The following EIF2AK4 variants were observed in gnomAD, a reference collection of about 807,000 sequenced individuals.
The protein encoded by EIF2AK4 is eIF-2-alpha kinase GCN2.
A neutral mutation model predicts 211.1 loss-of-function variants in EIF2AK4; 139 were observed. The ratio of observed to expected loss-of-function variants is 0.66; its 90% CI spans 0.57 to 0.76. EIF2AK4 has a LOEUF of 0.76. Ranked by LOEUF, EIF2AK4 falls within the 30% of genes least tolerant of loss-of-function variation. EIF2AK4 has a pLI of 0.00. For synonymous variants in EIF2AK4, 710 were observed against 751.3 expected (o/e 0.94, Z 0.90); for missense variants, 1,664 against 2,043.8 (o/e 0.81, Z 3.58).
At chr15:40,029,539 T>G in intron 34 of EIF2AK4, 75 bp downstream of exon 34, 1 of 1,416,036 alleles carries the variant, frequency 7.1e-7, no homozygotes, top group Non-Finnish European at 9.7e-7. Context: ...TGTAGCTAAC[T>G]GCTTGTGACA....
chr15:40,030,327 G>C, intron 34 of EIF2AK4, 32 bp from the exon 35 acceptor site: 5 of 1,603,754 alleles, frequency 3.1e-6, no homozygotes, highest in Middle Eastern at 1.7e-4. Flanking sequence ...GACCAGATAA[G>C]GCCATAAATT....
At chr15:39,944,666 C>T (rs2034201514) in intron 3 of EIF2AK4, among the ~76,000 whole-genome samples, 1 of 152,132 alleles carries the variant, frequency 6.6e-6, no homozygotes, top group Non-Finnish European at 1.5e-5. Flanking sequence ...ATCTCCTGAC[C>T]TCGTGGTCCA....
At position 40,029,469 on chromosome 15, in the gene EIF2AK4, A is replaced by C; in HGVS notation, c.4561+5A>C. 1 of 1,612,432 alleles carries C rather than the reference A, an allele frequency of 6.2e-7. No individual in the cohort carries two copies. The highest frequency in any genetic ancestry group is 1.1e-5 in the South Asian group (1 of 90,920). On this transcript the variant is annotated splice_donor_5th_base_variant and intron_variant, in intron 34 of 38. Coordinates refer to ENST00000263791, the MANE Select transcript of EIF2AK4 (RefSeq NM_001013703.4). ...GGTCATTTTCTAATGCTTCAGGTATAATTACTAATTATAATCTGAACATAA... is the reference window on the plus strand; with the variant it reads ...GGTCATTTTCTAATGCTTCAGGTATCATTACTAATTATAATCTGAACATAA...
In EIF2AK4 at chr15:40,002,794, T is replaced by C. The variant is rs756860849; in HGVS notation, c.3235+6T>C. On this transcript the variant is annotated splice_donor_region_variant and intron_variant, in intron 22 of 38. Coordinates refer to ENST00000263791, the MANE Select transcript of EIF2AK4 (RefSeq NM_001013703.4). ...CCGCATCTTTAAAAGACATGGTATG[T>C]ACGCCCTTTTTAAAAATGATATTTC... is the stretch of plus-strand genomic sequence containing the variant. 1.2e-6 allele frequency: 2 copies of C among 1,613,892 alleles called. No individual in the cohort carries two copies. The highest frequency in any genetic ancestry group is 2.7e-5 in the African/African-American group (2 of 74,940).
At chr15:40,015,653 T>G (rs557048906) in intron 27 of EIF2AK4, among the ~76,000 whole-genome samples, 2 of 152,306 alleles carry the variant, frequency 1.3e-5, no homozygotes, top group South Asian at 2.1e-4. Context: ...TAACATTTTT[T>G]GGGTTTTTTA....
intron 37 of EIF2AK4, among the ~76,000 whole-genome samples, chr15:40,033,554 CAG>C (rs576664709): frequency 6.6e-6 from 1 of 152,072 alleles, no homozygotes; most frequent in Non-Finnish European, 1.5e-5. Flanking sequence ...TTTGTCTATC[CAG>C]AGTGTTTAGT....
At chr15:39,987,146 C>G (rs981362785) in intron 14 of EIF2AK4, among the ~76,000 whole-genome samples, 3 of 152,190 alleles carry the variant, frequency 2.0e-5, no homozygotes, top group Admixed American at 2.0e-4. Flanking sequence ...TCCCCCAAAC[C>G]ACTGTTTATC....
rs745642616 is a variant in EIF2AK4, at chr15:40,034,361, G to C, written c.4809G>C (p.Val1603=). The C allele has an allele frequency of 6.2e-7, 1 of 1,614,060 alleles. No homozygotes were observed. Among genetic ancestry groups the C allele is most frequent in the Admixed American group, 1.7e-5 (1 of 60,010 alleles). The change falls in exon 38 of 39, where the codon GTG becomes GTC. Residue 1603 remains valine (V), a synonymous_variant. Coordinates refer to ENST00000263791, the MANE Select transcript of EIF2AK4 (RefSeq NM_001013703.4). ...DADEQAFNTT[V]KQLLSRLPKQ... The stretch of plus-strand genomic sequence containing the variant: ...ATGAACAGGCATTTAACACAACTGT[G>C]AAGCAGCTGCTGTCACGCCTGCCAA...
At chr15:40,021,561 G>C (rs1207820313) in intron 31 of EIF2AK4, 1 of 152,440 alleles carries the variant, frequency 6.6e-6, no homozygotes, top group Non-Finnish European at 1.5e-5. Context: ...TTGCGGGGCT[G>C]TACTCCAGCC....
intron 9 of EIF2AK4, among the ~76,000 whole-genome samples, chr15:39,969,275 A>G (rs2140913962): frequency 6.6e-6 from 1 of 151,608 alleles, no homozygotes; most frequent in East Asian, 1.9e-4. Flanking sequence ...TGGGCTCGGT[A>G]GGTAAAACTT....
intron 15 of EIF2AK4, among the ~76,000 whole-genome samples, chr15:39,989,454 G>A (rs1325124882): frequency 6.6e-6 from 1 of 152,178 alleles, no homozygotes; most frequent in Admixed American, 6.5e-5. Flanking sequence ...TCTAATGAGG[G>A]CCATTTAAGC....
chr15:39,997,426 A>G (rs2035032186), intron 19 of EIF2AK4, among the ~76,000 whole-genome samples: 1 of 152,174 alleles, frequency 6.6e-6, no homozygotes, highest in Admixed American at 6.5e-5. Context: ...TTGTTTTTGG[A>G]AATCTTACCT....
intron 12 of EIF2AK4, chr15:39,977,120 G>C (rs897376837): frequency 2.7e-5 from 9 of 335,836 alleles, no homozygotes; most frequent in Non-Finnish European, 4.2e-5. Context: ...ATCCAGACGT[G>C]TTGACCATGT....
At chr15:40,024,116 C>T (rs1221164856) in intron 32 of EIF2AK4, among the ~76,000 whole-genome samples, 1 of 152,148 alleles carries the variant, frequency 6.6e-6, no homozygotes, top group Non-Finnish European at 1.5e-5. Context: ...TTGTCTTCAT[C>T]ATTATAAAAT....
At chr15:39,996,925 T>G in intron 18 of EIF2AK4, 39 bp from the exon 19 acceptor site, 1 of 1,394,534 alleles carries the variant, frequency 7.2e-7, no homozygotes, top group Non-Finnish European at 1.0e-6. Flanking sequence ...TATACTTTCA[T>G]ATCAAGGCTC....
At position 39,943,489 on chromosome 15, in the gene EIF2AK4, A is replaced by G. The variant is rs370266765; in HGVS notation, c.360+4A>G. 46 of 1,571,640 alleles carry G rather than the reference A, an allele frequency of 2.9e-5. No homozygotes were observed. In the African/African-American group the frequency reaches 6.4e-4, roughly 22 times the overall value. On this transcript the variant is annotated splice_donor_region_variant and intron_variant, in intron 3 of 38. Transcript: ENST00000263791. The stretch of plus-strand genomic sequence containing the variant: ...GGCCAAGAAACACTGTGGGGAGGTA[A>G]GATTTGTTAAACTGGAATTAAAAGA...
At chr15:39,965,538 A>G in intron 7 of EIF2AK4, 148 bp from the exon 8 acceptor site, 1 of 889,956 alleles carries the variant, frequency 1.1e-6, no homozygotes, top group Non-Finnish European at 1.7e-6. Context: ...TTGTTTACAA[A>G]AGGACATTAT....
rs1003764647 is a variant in EIF2AK4, at chr15:39,973,506, T to C, written c.1661-86T>C. 9 of 1,391,294 alleles carry C rather than the reference T, an allele frequency of 6.5e-6. No homozygotes were observed. In the Admixed American group the frequency reaches 1.1e-4, roughly 17 times the overall value. 86.2% of individuals were successfully genotyped at this position (1,391,294 alleles called of 1,614,324 possible). A position where few individuals can be genotyped will look rare whatever the true frequency, so the allele number is the denominator to read the frequency against. ...TTCAAACTACTGGTTGGAGCTCTTC[T>C]TCCAGGGCTTCCATCATTGTTGGCT... On this transcript the variant is annotated intron_variant, in intron 10 of 38. Transcript: ENST00000263791.
Position 39,935,256 on chromosome 15 carries a change from C to T in EIF2AK4, c.144+917C>T, listed in dbSNP as rs550987309. Reference sequence around the variant, plus strand: ...AGTATTTATACTGACAGTTTTTTCCCCATCCTTGAAGAGTTGATCTACCAA... The same window carrying T: ...AGTATTTATACTGACAGTTTTTTCCTCATCCTTGAAGAGTTGATCTACCAA... On this transcript the variant is annotated intron_variant, in intron 1 of 38. Coordinates refer to ENST00000263791, the MANE Select transcript of EIF2AK4 (RefSeq NM_001013703.4). 4.6e-5 allele frequency among the ~76,000 whole-genome samples: 7 copies of T among 152,054 alleles called. 1 individual carries two copies. In the South Asian group the frequency reaches 1.5e-3, roughly 32 times the overall value.
Sources: allele counts gnomAD v4.1 joint callset (sites outside exome capture counted in the v4.1 genomes callset), GRCh38; gene constraint gnomAD v4.1.1; transcripts MANE v1.5; gene names NCBI Gene and HGNC (gene_info 2026-07-23, HGNC 2026-07-21).